SPAG1: variants seen among roughly 807,000 people sequenced by gnomAD.
The protein encoded by SPAG1 is sperm-associated antigen 1.
A neutral mutation model predicts 100.5 loss-of-function variants in SPAG1; 69 were observed. The ratio of observed to expected loss-of-function variants is 0.69; its 90% CI spans 0.57 to 0.84. SPAG1 has a LOEUF of 0.84. SPAG1 is among the 40% of genes least tolerant of loss of function. SPAG1 has a pLI of 0.00. For synonymous variants in SPAG1, 336 were observed against 411.6 expected (o/e 0.82, Z 2.22); for missense variants, 955 against 1,133.1 (o/e 0.84, Z 2.26).
intron 14 of SPAG1, among the ~76,000 whole-genome samples, chr8:100,225,793 A>G (rs529855074): frequency 6.6e-6 from 1 of 151,958 alleles, no homozygotes; most frequent in South Asian, 2.1e-4. Flanking sequence ...AAGTTGCTAC[A>G]TACCTCCTGT....
At chr8:100,236,585 C>T (rs1446633433) in intron 16 of SPAG1, among the ~76,000 whole-genome samples, 1 of 152,188 alleles carries the variant, frequency 6.6e-6, no homozygotes, top group Non-Finnish European at 1.5e-5. Flanking sequence ...GCTCCCAGCT[C>T]AACTCTATGT....
chr8:100,187,288 G>T, intron 8 of SPAG1, 38 bp downstream of exon 8: 1 of 1,531,220 alleles, frequency 6.5e-7, no homozygotes, highest in Non-Finnish European at 8.9e-7. Flanking sequence ...ATTTACAGCA[G>T]GATCCATTAA....
Position 100,196,917 on chromosome 8 carries a change from TC to T in SPAG1, c.1096+2650del, listed in dbSNP as rs564499613. Among the ~76,000 whole-genome samples the T allele has an allele frequency of 1.3e-4, 20 of 151,994 alleles. No homozygotes were observed. In the South Asian group the frequency reaches 4.2e-3, roughly 32 times the overall value. Reference sequence around the variant, plus strand: ...CTGCTTGTTTTTATGTTCATTTGCTTCTCTTTTTCTTTTCTTCTTTTTGAGA... The same window carrying T: ...CTGCTTGTTTTTATGTTCATTTGCTTTCTTTTTCTTTTCTTCTTTTTGAGA... On this transcript the variant is annotated intron_variant, in intron 10 of 18. Transcript: ENST00000388798.
chr8:100,238,026 G>T (rs1264136126), intron 16 of SPAG1, among the ~76,000 whole-genome samples: 1 of 152,088 alleles, frequency 6.6e-6, no homozygotes, highest in African/African-American at 2.4e-5. Context: ...GTTAATATTT[G>T]TAGGGCTGTT....
intron 4 of SPAG1, among the ~76,000 whole-genome samples, chr8:100,182,823 T>C (rs1816422233): frequency 6.6e-6 from 1 of 152,128 alleles, no homozygotes; most frequent in South Asian, 2.1e-4. Flanking sequence ...ATGTATATAC[T>C]TAAAAACCTA....
intron 3 of SPAG1, among the ~76,000 whole-genome samples, chr8:100,169,851 G>T (rs1815739553): frequency 6.6e-6 from 1 of 151,818 alleles, no homozygotes; most frequent in African/African-American, 2.4e-5. Flanking sequence ...GAGGAGCAAG[G>T]CTACCCCCTA....
chr8:100,204,410 G>A (rs1249628636), intron 10 of SPAG1, among the ~76,000 whole-genome samples: 1 of 152,108 alleles, frequency 6.6e-6, no homozygotes, highest in African/African-American at 2.4e-5. Context: ...TATTAAGGGT[G>A]TGGGATAATG....
chr8:100,236,920 A>C (rs1819032309), intron 16 of SPAG1, among the ~76,000 whole-genome samples: 1 of 152,194 alleles, frequency 6.6e-6, no homozygotes. Context: ...GAATATCATA[A>C]AATAACTATT....
rs777302538 is a variant in SPAG1, at chr8:100,240,964, CA to C, written c.2726del (p.Asn909ThrfsTer6). On this transcript the variant is annotated frameshift_variant, in exon 19 of 19. Transcript: ENST00000388798. LOFTEE classifies it high-confidence loss of function. ...EQLFEDLSDT[P>X]NNHFTLEDIQ... is the part of the protein sequence containing the mutation. ...CTGTTTGAGGACCTTTCGGACACAC[CA>C]AACAACCATTTTACTTTAGAAGATA... is the stretch of plus-strand genomic sequence containing the variant. 43 of 1,613,030 alleles carry C rather than the reference CA, an allele frequency of 2.7e-5. No individual in the cohort carries two copies. The highest frequency in any genetic ancestry group is 2.9e-5 in the Non-Finnish European group (34 of 1,179,660).
chr8:100,240,832 A>C (rs1184025071), intron 18 of SPAG1, 59 bp from the exon 19 acceptor site: 1 of 1,568,390 alleles, frequency 6.4e-7, no homozygotes, highest in East Asian at 2.2e-5. Flanking sequence ...GTAACTTAAA[A>C]ATGTTACTTA....
Position 100,198,594 on chromosome 8 carries a change from T to G in SPAG1, c.1096+4326T>G, listed in dbSNP as rs1265283496. Among the ~76,000 whole-genome samples the G allele has an allele frequency of 6.6e-5, 10 of 152,232 alleles. 1 individual carries two copies. The highest frequency in any genetic ancestry group is 6.5e-4 in the Admixed American group (10 of 15,284). ...GGCTGAGATAGAAAAAATAGTACCC[T>G]TTGTTGTCAAAAGTGAGGTAAGATA... On this transcript the variant is annotated intron_variant, in intron 10 of 18. Coordinates refer to ENST00000388798, the MANE Select transcript of SPAG1 (RefSeq NM_003114.5).
chr8:100,240,948 G>A lies in SPAG1; in HGVS notation c.2707G>A (p.Asp903Asn), dbSNP rs148756457. 2.0e-4 allele frequency: 318 copies of A among 1,612,994 alleles called. 2 individuals carry two copies. The Middle Eastern group carries it at 9.7e-3, about 49-fold the overall frequency. Residue 903 changes from aspartate to asparagine, a missense_variant, in exon 19 of 19, where the codon GAC (aspartate) becomes AAC (asparagine). By Grantham distance (23) the Asp-to-Asn change is conservative (BLOSUM62 1). Transcript: ENST00000388798. ...GGAGCTAATTGAACAGCTGTTTGAG[G>A]ACCTTTCGGACACACCAAACAACCA... ...QKELIEQLFE[D>N]LSDTPNNHFT... is the part of the protein sequence containing the mutation.
chr8:100,183,422 C>T lies in SPAG1; in HGVS notation c.474C>T (p.Tyr158=), dbSNP rs74597335. The change falls in exon 5 of 19, where the codon TAC becomes TAT. Residue 158 remains tyrosine (Y), a synonymous_variant. Transcript: ENST00000388798. ...CTAAAAAGAAAACTCCAAGGGATTA[C>T]GCGGAATGGGATAAGTATGTTTTAC... ...RPTKKKTPRD[Y]AEWDKFDVEK... 284 of 1,499,358 alleles carry T rather than the reference C, an allele frequency of 1.9e-4. 1 individual carries two copies. The East Asian group carries it at 5.6e-3, about 29-fold the overall frequency. 92.9% of individuals were successfully genotyped at this position (1,499,358 alleles called of 1,614,324 possible).
At position 100,239,613 on chromosome 8, in the gene SPAG1, G is replaced by A. The variant is rs551274704; in HGVS notation, c.2280+209G>A. Among the ~76,000 whole-genome samples the A allele has an allele frequency of 1.3e-5, 2 of 152,220 alleles. No homozygotes were observed. The highest frequency in any genetic ancestry group is 1.9e-4 in the East Asian group (1 of 5,198). The stretch of plus-strand genomic sequence containing the variant: ...AACGTGGGTCCATGGATGGTACTGG[G>A]AGTCTCTGCATTACTGCAGTTCTTC... On this transcript the variant is annotated intron_variant, in intron 17 of 18. Transcript: ENST00000388798. This position sits in a 1 kb window ranked among gnomAD's most constrained non-coding sequence, Gnocchi z 5.0.
intron 2 of SPAG1, among the ~76,000 whole-genome samples, chr8:100,163,417 T>TC (rs1336021248): frequency 6.6e-6 from 1 of 151,886 alleles, no homozygotes; most frequent in Non-Finnish European, 1.5e-5. Context: ...CTTTTTTTTT[T>TC]TTTTTAAGAC....
chr8:100,204,397 G>A (rs1163006579), intron 10 of SPAG1, among the ~76,000 whole-genome samples: 1 of 152,108 alleles, frequency 6.6e-6, no homozygotes, highest in African/African-American at 2.4e-5. Flanking sequence ...GCATGGGAAT[G>A]GATATTAAGG....
intron 2 of SPAG1, among the ~76,000 whole-genome samples, chr8:100,164,350 C>A (rs927041887): frequency 2.0e-5 from 3 of 152,080 alleles, no homozygotes; most frequent in African/African-American, 4.8e-5. Flanking sequence ...AATTTTGTTT[C>A]TTTGGTTGAT....
At chr8:100,191,881 G>A (rs1166095174) in intron 9 of SPAG1, among the ~76,000 whole-genome samples, 2 of 152,178 alleles carry the variant, frequency 1.3e-5, no homozygotes, top group Non-Finnish European at 2.9e-5. Context: ...TTTGCTACCT[G>A]ACTGAGCAGA....
intron 13 of SPAG1, among the ~76,000 whole-genome samples, chr8:100,224,403 G>T (rs939372977): frequency 2.0e-5 from 3 of 152,110 alleles, no homozygotes; most frequent in East Asian, 3.9e-4. Context: ...TTAGCTGGGC[G>T]TGGTGGCGCG....
Sources: gnomAD v4.1 joint callset for allele counts (sites outside exome capture counted in the v4.1 genomes callset) on GRCh38, gnomAD v4.1.1 for gene constraint, Gnocchi (gnomAD v3.1) non-coding constraint, MANE v1.5 for transcripts, NCBI Gene and HGNC (gene_info 2026-07-23, HGNC 2026-07-21) for gene names.